The following FNBP1L variants were observed in gnomAD, a reference collection of about 807,000 sequenced individuals.
FNBP1L encodes formin-binding protein 1-like.
A neutral mutation model predicts 91.2 loss-of-function variants in FNBP1L; 36 were observed. The ratio of observed to expected loss-of-function variants is 0.39; its 90% CI spans 0.30 to 0.52. FNBP1L has a LOEUF of 0.52. FNBP1L is among the 20% of genes least tolerant of loss of function. FNBP1L has a pLI of 0.66. For synonymous variants in FNBP1L, 242 were observed against 237.0 expected (o/e 1.02, Z -0.19); for missense variants, 571 against 732.1 (o/e 0.78, Z 2.54).
chr1:93,479,029 T>C (rs1180522561), intron 1 of FNBP1L, among the ~76,000 whole-genome samples: 1 of 152,232 alleles, frequency 6.6e-6, no homozygotes, highest in Non-Finnish European at 1.5e-5. Context: ...TTATCCCTTA[T>C]TGGGGGAACC....
intron 11 of FNBP1L, among the ~76,000 whole-genome samples, chr1:93,542,766 T>C (rs1233490334): frequency 6.7e-6 from 1 of 150,136 alleles, no homozygotes; most frequent in Non-Finnish European, 1.5e-5. Context: ...TTCTTTTTTC[T>C]TTTCTTTACC....
intron 2 of FNBP1L, among the ~76,000 whole-genome samples, chr1:93,505,844 A>G (rs1670591363): frequency 6.6e-6 from 1 of 152,034 alleles, no homozygotes; most frequent in Non-Finnish European, 1.5e-5. Flanking sequence ...ACGCCCAGCT[A>G]ATTTTTGTAT....
intron 9 of FNBP1L, among the ~76,000 whole-genome samples, chr1:93,535,263 C>T (rs539306096): frequency 3.3e-5 from 5 of 152,206 alleles, no homozygotes; most frequent in African/African-American, 7.2e-5. Context: ...TGAATGACCA[C>T]AGCCATAATA....
At chr1:93,547,308 T>C (rs1305705655) in intron 13 of FNBP1L, 39 bp from the exon 14 acceptor site, 10 of 1,420,466 alleles carry the variant, frequency 7.0e-6, no homozygotes, top group African/African-American at 5.7e-5. Flanking sequence ...TTTAAACATA[T>C]TTATTGAGCT....
rs945989700 is a variant in FNBP1L, at chr1:93,448,225, T to C, written c.-57T>C. On this transcript the variant is annotated 5_prime_UTR_variant, in exon 1 of 17. Transcript: ENST00000271234. ...CCAGCGAGTGAGAGGTCGGACAGACTGTGGAGCCGACAGACTGAAGGACAG... is the reference window on the plus strand; with the variant it reads ...CCAGCGAGTGAGAGGTCGGACAGACCGTGGAGCCGACAGACTGAAGGACAG... The C allele has an allele frequency of 2.6e-6, 4 of 1,519,040 alleles. No homozygotes were observed. The South Asian group carries it at 4.9e-5, about 19-fold the overall frequency. 94.1% of individuals were successfully genotyped at this position (1,519,040 alleles called of 1,614,324 possible). A position where few individuals can be genotyped will look rare whatever the true frequency, so the allele number is the denominator to read the frequency against.
At chr1:93,491,253 T>C (rs1570798180) in intron 1 of FNBP1L, among the ~76,000 whole-genome samples, 1 of 152,332 alleles carries the variant, frequency 6.6e-6, no homozygotes, top group East Asian at 1.9e-4. Flanking sequence ...CTGATTCTTA[T>C]ATTTTAATTT....
intron 2 of FNBP1L, among the ~76,000 whole-genome samples, chr1:93,504,910 T>C (rs1420193917): frequency 6.6e-6 from 1 of 152,176 alleles, no homozygotes; most frequent in East Asian, 1.9e-4. Context: ...ATTGTGTCCT[T>C]CTATGCATTG....
intron 14 of FNBP1L, among the ~76,000 whole-genome samples, chr1:93,547,924 A>T (rs1328374078): frequency 6.6e-6 from 1 of 152,180 alleles, no homozygotes; most frequent in Non-Finnish European, 1.5e-5. Context: ...CCAGACTAAA[A>T]GTCCACAAAT....
chr1:93,453,319 G>A (rs963005292), intron 1 of FNBP1L, among the ~76,000 whole-genome samples: 1 of 152,124 alleles, frequency 6.6e-6, no homozygotes, highest in South Asian at 2.1e-4. Flanking sequence ...ACTATAATAA[G>A]TTGGAAGCTA....
chr1:93,475,608 A>G (rs1000726739), intron 1 of FNBP1L, among the ~76,000 whole-genome samples: 4 of 152,224 alleles, frequency 2.6e-5, no homozygotes, highest in Admixed American at 6.5e-5. Flanking sequence ...TGCATGTAAT[A>G]AAGAGATACT....
At chr1:93,466,326 TG>T (rs1669079205) in intron 1 of FNBP1L, among the ~76,000 whole-genome samples, 4 of 152,248 alleles carry the variant, frequency 2.6e-5, no homozygotes, top group Admixed American at 2.6e-4. Context: ...AGAGTTTTTA[TG>T]GTTTTAGATC....
rs937802442 is a variant in FNBP1L at position 93,553,720 on chromosome 1, A to G, written c.*1304A>G. 6.6e-6 allele frequency: 1 copy of G among 152,588 alleles called. No homozygotes were observed. Among genetic ancestry groups the G allele is most frequent in the African/African-American group, 2.4e-5 (1 of 41,434 alleles). The allele number at this position is 152,588 out of a possible 1,614,324, so 9.5% of individuals were successfully genotyped here. ...TTTCTGTATGTTTATACTTGTAAAT[A>G]TGATTGTTGTTAGTGCTCCTGTTGC... On this transcript the variant is annotated 3_prime_UTR_variant, in exon 17 of 17. Coordinates refer to ENST00000271234, the MANE Select transcript of FNBP1L (RefSeq NM_001164473.3).
chr1:93,501,278 G>A (rs1670433151), intron 2 of FNBP1L, among the ~76,000 whole-genome samples: 1 of 152,086 alleles, frequency 6.6e-6, no homozygotes, highest in Admixed American at 6.6e-5. Flanking sequence ...CTGCAGGAGT[G>A]CCCTAGCTCA....
chr1:93,461,492 C>A (rs1668862904), intron 1 of FNBP1L, among the ~76,000 whole-genome samples: 1 of 152,200 alleles, frequency 6.6e-6, no homozygotes, highest in East Asian at 1.9e-4. Context: ...TTTGGACTTT[C>A]CTTTGTAGTT....
intron 16 of FNBP1L, chr1:93,552,194 C>T (rs1028651170): frequency 1.5e-6 from 2 of 1,340,454 alleles, no homozygotes; most frequent in Admixed American, 3.4e-5. Flanking sequence ...GGTTGTGTGA[C>T]CACACCCTGA....
intron 2 of FNBP1L, among the ~76,000 whole-genome samples, chr1:93,511,871 C>T (rs1467719878): frequency 6.9e-6 from 1 of 144,842 alleles, no homozygotes; most frequent in Non-Finnish European, 1.5e-5. Flanking sequence ...GAGGCTGAGG[C>T]AGGAGAATGG....
At chr1:93,463,233 C>G (rs1278394618) in intron 1 of FNBP1L, among the ~76,000 whole-genome samples, 1 of 152,022 alleles carries the variant, frequency 6.6e-6, no homozygotes. Context: ...ATTTCCTGCC[C>G]CAAACCTAGA....
chr1:93,547,993 T>C (rs552819526), intron 14 of FNBP1L, among the ~76,000 whole-genome samples: 40 of 152,310 alleles, frequency 2.6e-4, no homozygotes, highest in African/African-American at 9.1e-4. Context: ...GTTTTCTACT[T>C]AATTACAGTG....
At chr1:93,532,821 G>A (rs1242131668) in intron 7 of FNBP1L, 101 bp from the exon 8 acceptor site, 1 of 825,992 alleles carries the variant, frequency 1.2e-6, no homozygotes, top group African/African-American at 1.7e-5. Context: ...TAACTATGAG[G>A]GTAGAAATAT....
Sources: allele counts gnomAD v4.1 joint callset (sites outside exome capture counted in the v4.1 genomes callset), GRCh38; gene constraint gnomAD v4.1.1; transcripts MANE v1.5; gene names NCBI Gene and HGNC (gene_info 2026-07-23, HGNC 2026-07-21).